Variants in MED13L observed in about 807,000 individuals in gnomAD.
The protein encoded by MED13L is mediator complex subunit 13L.
A neutral mutation model predicts 220.9 loss-of-function variants in MED13L; 7 were observed. The observed-to-expected ratio is 0.03, with a 90% CI of 0.02 to 0.06. The LOEUF (loss-of-function observed/expected upper bound fraction) is 0.06. MED13L is among the 10% of genes least tolerant of loss of function. MED13L has a pLI of 1.00. For missense variants in MED13L, 1,965 were observed against 2,760.5 expected (o/e 0.71, Z 6.46); for synonymous variants, 1,011 against 1,015.2 (o/e 1.00, Z 0.08).
intron 2 of MED13L, among the ~76,000 whole-genome samples, chr12:116,118,387 A>G (rs558982811): frequency 3.3e-5 from 5 of 152,330 alleles, no homozygotes; most frequent in Admixed American, 6.5e-5. Flanking sequence ...GATAATTTAA[A>G]AAGCATTCAG....
intron 4 of MED13L, among the ~76,000 whole-genome samples, chr12:116,055,602 A>C (rs1868885649): frequency 6.6e-6 from 1 of 152,196 alleles, no homozygotes; most frequent in South Asian, 2.1e-4. Context: ...CCTTTAGAAA[A>C]TGCCATGACC....
rs540960548 is a variant in MED13L at position 115,968,813 on chromosome 12, TTC to T, written c.6225+125_6225+126del. ...ACCATAGTCAGTTTCCCACACTTAT[TTC>T]TCTTGTACCAAGGACCCAGACCATC... On this transcript the variant is annotated intron_variant, in intron 28 of 30. Transcript: ENST00000281928. 38 of 1,182,798 alleles carry T rather than the reference TTC, an allele frequency of 3.2e-5. No individual in the cohort carries two copies. In the African/African-American group the frequency reaches 4.2e-4, roughly 13 times the overall value. 73.3% of individuals were successfully genotyped at this position (1,182,798 alleles called of 1,614,324 possible).
chr12:116,182,699 T>C (rs558365708), intron 2 of MED13L, among the ~76,000 whole-genome samples: 1 of 152,246 alleles, frequency 6.6e-6, no homozygotes, highest in East Asian at 1.9e-4. Context: ...AGTGAAAAAG[T>C]AGAAGGGTGA....
intron 1 of MED13L, among the ~76,000 whole-genome samples, chr12:116,246,800 A>C: frequency 1.7e-5 from 1 of 57,952 alleles, no homozygotes; most frequent in South Asian, 1.1e-3. Flanking sequence ...AGGGGAGGGG[A>C]GGGAGGTGGG....
chr12:116,076,115 G>A (rs1455358187), intron 4 of MED13L, among the ~76,000 whole-genome samples: 1 of 151,898 alleles, frequency 6.6e-6, no homozygotes, highest in Non-Finnish European at 1.5e-5. Flanking sequence ...GGGTTTCACC[G>A]TGTTAGCCAG....
At chr12:116,206,074 C>CTTTTTT (rs1160337465) in intron 2 of MED13L, among the ~76,000 whole-genome samples, 133 of 87,184 alleles carry the variant, frequency 1.5e-3, no homozygotes, top group East Asian at 3.0e-3. Flanking sequence ...GTATTATTAC[C>CTTTTTT]TTTTTTTTTT....
chr12:116,082,356 TA>T (rs1871296098), intron 4 of MED13L, among the ~76,000 whole-genome samples: 1 of 152,220 alleles, frequency 6.6e-6, no homozygotes, highest in Non-Finnish European at 1.5e-5. Flanking sequence ...AATATGTCTC[TA>T]CATGTGTTGA....
Position 116,029,957 on chromosome 12 carries a change from TTTTG to T in MED13L, c.480-7360_480-7357del, listed in dbSNP as rs141391277. On this transcript the variant is annotated intron_variant, in intron 4 of 30. Transcript: ENST00000281928. ...ACAGTCTACATACTCTTTTTGGGTTTTTTGTTTGTTTGTTTGTTTGTTTGTTTTT... is the reference window on the plus strand; with the variant it reads ...ACAGTCTACATACTCTTTTTGGGTTTTTTGTTTGTTTGTTTGTTTGTTTTT... Among the ~76,000 whole-genome samples the T allele has an allele frequency of 2.7e-3, 408 of 151,854 alleles. 2 individuals carry two copies. The highest frequency in any genetic ancestry group is 7.0e-3 in the African/African-American group (291 of 41,434).
At chr12:116,029,820 C>G (rs929748141) in intron 4 of MED13L, among the ~76,000 whole-genome samples, 7 of 152,042 alleles carry the variant, frequency 4.6e-5, no homozygotes, top group African/African-American at 1.7e-4. Flanking sequence ...TAGTGTATAC[C>G]ATGGCTTTCC....
chr12:116,241,271 C>T (rs1870613694), intron 1 of MED13L, among the ~76,000 whole-genome samples: 1 of 150,888 alleles, frequency 6.6e-6, no homozygotes, highest in African/African-American at 2.4e-5. Flanking sequence ...AGCCACTGCA[C>T]TCCAGCCTGG....
At chr12:116,238,279 C>T (rs757136139) in intron 1 of MED13L, among the ~76,000 whole-genome samples, 4 of 152,182 alleles carry the variant, frequency 2.6e-5, no homozygotes, top group Non-Finnish European at 4.4e-5. Context: ...TGTTTTTTAA[C>T]ATGTAGCAAA....
At chr12:116,199,619 T>C (rs1881866280) in intron 2 of MED13L, among the ~76,000 whole-genome samples, 1 of 152,156 alleles carries the variant, frequency 6.6e-6, no homozygotes, top group South Asian at 2.1e-4. Context: ...TAAAGCACTT[T>C]CAGAAAAACA....
At chr12:116,118,128 T>C (rs1284915563) in intron 2 of MED13L, among the ~76,000 whole-genome samples, 2 of 152,158 alleles carry the variant, frequency 1.3e-5, no homozygotes, top group African/African-American at 4.8e-5. Flanking sequence ...ATTTTTTAAA[T>C]GCTAAAAATT....
intron 3 of MED13L, among the ~76,000 whole-genome samples, chr12:116,097,143 C>A (rs1376936425): frequency 1.3e-5 from 2 of 151,826 alleles, no homozygotes; most frequent in Admixed American, 6.6e-5. Context: ...GCCACTAACA[C>A]CCATCTTTCA....
chr12:116,187,572 A>G (rs1036916289), intron 2 of MED13L, among the ~76,000 whole-genome samples: 3 of 152,166 alleles, frequency 2.0e-5, no homozygotes, highest in Non-Finnish European at 4.4e-5. Context: ...CAAAAGTTCA[A>G]TTTATCAGGT....
chr12:116,112,442 G>A (rs1370094745), intron 2 of MED13L, among the ~76,000 whole-genome samples: 1 of 152,116 alleles, frequency 6.6e-6, no homozygotes, highest in East Asian at 1.9e-4. Context: ...TACCACACCA[G>A]TAGACATACC....
At chr12:115,997,263 T>C (rs374389157) in intron 14 of MED13L, 33 bp from the exon 15 acceptor site, 18 of 1,589,956 alleles carry the variant, frequency 1.1e-5, no homozygotes, top group South Asian at 8.9e-5. Context: ...ATTTGTTTAA[T>C]AGGAAGGGCT....
intron 11 of MED13L, 121 bp downstream of exon 11, chr12:116,007,290 G>A: frequency 1.2e-6 from 1 of 866,478 alleles, no homozygotes; most frequent in East Asian, 2.5e-5. Context: ...CATGAATATG[G>A]GGACAGAGCA....
intron 2 of MED13L, among the ~76,000 whole-genome samples, chr12:116,191,258 T>C (rs760940699): frequency 5.3e-5 from 8 of 152,164 alleles, no homozygotes; most frequent in African/African-American, 7.2e-5. Context: ...ATTAAGTACA[T>C]TGGTGCTCTC....
Sources: allele counts gnomAD v4.1 joint callset (sites outside exome capture counted in the v4.1 genomes callset), GRCh38; gene constraint gnomAD v4.1.1; transcripts MANE v1.5; gene names NCBI Gene and HGNC (gene_info 2026-07-23, HGNC 2026-07-21).